C3orf49: variants seen among roughly 807,000 people sequenced by gnomAD.
C3orf49 encodes the protein putative uncharacterized protein C3orf49.
A neutral mutation model predicts 13.3 loss-of-function variants in C3orf49; 27 were observed. The observed-to-expected ratio is 2.02, with a 90% CI of 1.49 to 2.79. The LOEUF is 2.79. C3orf49 is among the 30% of genes most tolerant of loss of function. C3orf49 has a pLI of 0.00. For synonymous variants in C3orf49, 87 were observed against 47.6 expected (o/e 1.83, Z -3.40); for missense variants, 242 against 134.2 (o/e 1.80, Z -3.97).
intron 6 of C3orf49, among the ~76,000 whole-genome samples, chr3:63,847,404 T>C (rs552700146): frequency 1.8e-4 from 28 of 152,302 alleles, no homozygotes; most frequent in Non-Finnish European, 3.8e-4. Flanking sequence ...CAAGCAATTA[T>C]AATCCTAAAG....
At chr3:63,844,651 G>A (rs917251072) in intron 5 of C3orf49, among the ~76,000 whole-genome samples, 5 of 152,078 alleles carry the variant, frequency 3.3e-5, no homozygotes, top group African/African-American at 9.7e-5. Context: ...TAGTAATCTC[G>A]GAGTGAGCTC....
At chr3:63,817,445 T>C (rs992096428), upstream of C3orf49, among the ~76,000 whole-genome samples, 3 of 152,058 alleles carry the variant, frequency 2.0e-5, no homozygotes, top group African/African-American at 7.3e-5. Context: ...GGGTGGTGCC[T>C]GGGAACCACT....
chr3:63,784,464 T>A, the C3orf49 span, among the ~76,000 whole-genome samples: 2 of 152,112 alleles, frequency 1.3e-5, no homozygotes, highest in African/African-American at 4.8e-5. Flanking sequence ...AGCAGTGGAA[T>A]TAAAGGAAAA....
In C3orf49 at chr3:63,848,548, G is replaced by GT. The variant is rs1440410525; in HGVS notation, c.*216dup. ...CCCCCTAAAATGCATAAAATCAGCTGTAATTCAACCACCTTCGGCACATCT... is the reference window on the plus strand; with the variant it reads ...CCCCCTAAAATGCATAAAATCAGCTGTTAATTCAACCACCTTCGGCACATCT... On this transcript the variant is annotated 3_prime_UTR_variant, in exon 7 of 7. Transcript: ENST00000295896. 6.6e-6 allele frequency: 1 copy of GT among 152,156 alleles called. No individual in the cohort carries two copies. The highest frequency in any genetic ancestry group is 1.5e-5 in the Non-Finnish European group (1 of 68,042). 9.4% of individuals were successfully genotyped at this position (152,156 alleles called of 1,614,324 possible).
the C3orf49 span, among the ~76,000 whole-genome samples, chr3:63,790,414 G>A: frequency 7.9e-5 from 12 of 152,262 alleles, no homozygotes; most frequent in African/African-American, 2.6e-4. Context: ...CTTTTAAGGC[G>A]ATTTTCAACC....
At chr3:63,807,781 C>T in the C3orf49 span, among the ~76,000 whole-genome samples, 4 of 143,346 alleles carry the variant, frequency 2.8e-5, no homozygotes, top group Non-Finnish European at 4.5e-5. Context: ...CACTTGAACC[C>T]GGGAGGCAGA....
the C3orf49 span, among the ~76,000 whole-genome samples, chr3:63,804,407 T>C: frequency 6.6e-6 from 1 of 152,256 alleles, no homozygotes; most frequent in East Asian, 1.9e-4. Context: ...CAGTATAATC[T>C]CCCACGTGCT....
chr3:63,810,271 C>T, the C3orf49 span, among the ~76,000 whole-genome samples: 2 of 152,092 alleles, frequency 1.3e-5, no homozygotes, highest in Admixed American at 6.5e-5. Context: ...CACTTCCTAT[C>T]TCTTAAAATT....
chr3:63,818,258 T>C (rs1701346936), upstream of C3orf49, among the ~76,000 whole-genome samples: 1 of 152,170 alleles, frequency 6.6e-6, no homozygotes, highest in African/African-American at 2.4e-5. Flanking sequence ...AAAACAAGCA[T>C]GGGTGGGTTA....
chr3:63,841,014 A>T (rs1252654540), intron 5 of C3orf49, among the ~76,000 whole-genome samples: 1 of 152,244 alleles, frequency 6.6e-6, no homozygotes, highest in Non-Finnish European at 1.5e-5. Flanking sequence ...TAGTAGAAAG[A>T]TTGCAAACCT....
chr3:63,833,906 G>A, intron 5 of C3orf49: 1 of 446,560 alleles, frequency 2.2e-6, no homozygotes, highest in Non-Finnish European at 3.9e-6. Context: ...ATTTTTGGAT[G>A]TTGCTTCCTA....
the C3orf49 span, chr3:63,782,591 C>T: frequency 1.3e-5 from 2 of 152,148 alleles, no homozygotes; most frequent in East Asian, 3.8e-4. Flanking sequence ...AACTAACAGG[C>T]TTTCACAGAA....
intron 5 of C3orf49, among the ~76,000 whole-genome samples, chr3:63,840,991 G>C (rs914297668): frequency 6.6e-6 from 1 of 152,216 alleles, no homozygotes; most frequent in Non-Finnish European, 1.5e-5. Context: ...GATGTTCTTA[G>C]TGGTACTGTT....
intron 5 of C3orf49, chr3:63,835,476 G>A: frequency 4.1e-6 from 5 of 1,228,398 alleles, no homozygotes; most frequent in East Asian, 2.4e-5. Context: ...TACTAGATAG[G>A]ATTTTTAAAA....
upstream of C3orf49, among the ~76,000 whole-genome samples, chr3:63,817,665 C>T (rs560540700): frequency 1.3e-5 from 2 of 152,190 alleles, no homozygotes; most frequent in East Asian, 3.9e-4. Context: ...ACTCTTTCCC[C>T]ACCCCCTTCC....
rs1444436565 is a variant in C3orf49, at chr3:63,837,875, G to T, written c.849+6031G>T. On this transcript the variant is annotated intron_variant, in intron 5 of 6. Transcript: ENST00000295896. Reference sequence around the variant, plus strand: ...AAAATTTGGATTTTTTTTAATCCAGGTTGATTCAGGCTGCAGATTTTACCT... The same window carrying T: ...AAAATTTGGATTTTTTTTAATCCAGTTTGATTCAGGCTGCAGATTTTACCT... The T allele has an allele frequency of 1.6e-5, 16 of 996,472 alleles. No individual in the cohort carries two copies. The Middle Eastern group carries it at 1.3e-3, about 81-fold the overall frequency. 61.7% of individuals were successfully genotyped at this position (996,472 alleles called of 1,614,324 possible). A position where few individuals can be genotyped will look rare whatever the true frequency, so the allele number is the denominator to read the frequency against.
intron 5 of C3orf49, among the ~76,000 whole-genome samples, chr3:63,843,519 T>C (rs1701814420): frequency 6.6e-6 from 1 of 152,172 alleles, no homozygotes; most frequent in African/African-American, 2.4e-5. Flanking sequence ...GTCAAAGAGG[T>C]ATCTGCACTC....
chr3:63,810,273 C>T, the C3orf49 span, among the ~76,000 whole-genome samples: 1 of 152,144 alleles, frequency 6.6e-6, no homozygotes, highest in Non-Finnish European at 1.5e-5. Flanking sequence ...CTTCCTATCT[C>T]TTAAAATTTC....
the C3orf49 span, among the ~76,000 whole-genome samples, chr3:63,813,085 G>A: frequency 1.3e-5 from 2 of 152,106 alleles, no homozygotes; most frequent in Middle Eastern, 3.2e-3. Context: ...CCTTACCTGC[G>A]CGTCGGAACT....
Sources: gnomAD v4.1 joint callset for allele counts (sites outside exome capture counted in the v4.1 genomes callset) on GRCh38, gnomAD v4.1.1 for gene constraint, MANE v1.5 for transcripts, NCBI Gene and HGNC (gene_info 2026-07-23, HGNC 2026-07-21) for gene names.